Variants in IFT140 observed in about 807,000 individuals in gnomAD.
The protein encoded by IFT140 is intraflagellar transport protein 140 homolog.
A neutral mutation model predicts 164.6 loss-of-function variants in IFT140; 133 were observed. The ratio of observed to expected loss-of-function variants is 0.81; its 90% confidence interval spans 0.70 to 0.93. The LOEUF (loss-of-function observed/expected upper bound fraction) is 0.93, where lower values mean the gene tolerates loss of function less well. IFT140 is among the 40% of genes least tolerant of loss of function. The pLI, the probability that IFT140 is intolerant of heterozygous loss-of-function variation, is 0.00. For missense variants in IFT140, 2,045 were observed against 1,972.3 expected, an observed-to-expected ratio of 1.04 and a Z score of -0.70; for synonymous variants, 860 against 817.3, an observed-to-expected ratio of 1.05 and a Z score of -0.89.
intron 15 of IFT140, 105 bp from the exon 16 acceptor site, chr16:1,566,396 A>G: frequency 2.0e-6 from 2 of 1,008,830 alleles, no homozygotes; most frequent in Non-Finnish European, 1.5e-6. Flanking sequence ...AAACACACCC[A>G]GTGTCACCAA....
At chr16:1,555,176 G>T (rs2032991455) in intron 19 of IFT140, 1 of 953,742 alleles carries the variant, frequency 1.0e-6, no homozygotes. Context: ...CGAGACACGT[G>T]TGCGTTTACT....
chr16:1,585,514 C>T (rs1180300114), intron 10 of IFT140, among the ~76,000 whole-genome samples: 1 of 152,028 alleles, frequency 6.6e-6, no homozygotes, highest in Admixed American at 6.5e-5. Context: ...GTGAATATAC[C>T]AAAAACCACT....
chr16:1,552,648 CT>C (rs11409894), intron 19 of IFT140, among the ~76,000 whole-genome samples: 355 of 127,526 alleles, frequency 2.8e-3, no homozygotes, highest in African/African-American at 4.0e-3. Context: ...AAAGAGAATG[CT>C]TTTTTTTTTT....
At chr16:1,534,693 G>A (rs1225067267) in intron 19 of IFT140, 37 of 1,286,428 alleles carry the variant, frequency 2.9e-5, no homozygotes, top group Non-Finnish European at 3.9e-5. Context: ...TGGGCAGGCA[G>A]GAGGGGGCAC....
At chr16:1,601,984 GTCCAGC>G (rs1198873393) in intron 4 of IFT140, among the ~76,000 whole-genome samples, 1 of 152,224 alleles carries the variant, frequency 6.6e-6, no homozygotes, top group Admixed American at 6.5e-5. Context: ...ACCCACAGGG[GTCCAGC>G]TGAATCCTCC....
Position 1,533,423 on chromosome 16 carries a change from C to G in IFT140, c.2400-6627G>C, listed in dbSNP as rs1596317766. The stretch of plus-strand genomic sequence containing the variant: ...ACCAGCCTCCAGGCCCCGGGGGCCA[C>G]CAGGCTTAAAAGCAACAGGCGAGAC... On this transcript the variant is annotated intron_variant, in intron 19 of 30. Transcript: ENST00000426508. This position sits in a 1 kb window ranked among gnomAD's most constrained non-coding sequence, Gnocchi z 4.7. The G allele has an allele frequency of 6.6e-6, 1 of 152,480 alleles. No individual in the cohort carries two copies. The highest frequency in any genetic ancestry group is 1.9e-4 in the East Asian group (1 of 5,170). 9.4% of individuals were successfully genotyped at this position (152,480 alleles called of 1,614,324 possible).
At chr16:1,566,035 C>G in intron 16 of IFT140, 126 bp downstream of exon 16, 1 of 825,854 alleles carries the variant, frequency 1.2e-6, no homozygotes, top group Non-Finnish European at 1.9e-6. Context: ...TTTCCTCTTT[C>G]TTTTTCCTAC....
chr16:1,536,577 G>A (rs569409084), intron 19 of IFT140, among the ~76,000 whole-genome samples: 5 of 152,336 alleles, frequency 3.3e-5, no homozygotes, highest in Admixed American at 6.5e-5. Context: ...CTCAGCTCAG[G>A]AAAAGGAACA....
intron 13 of IFT140, among the ~76,000 whole-genome samples, chr16:1,580,009 T>G (rs1397230741): frequency 1.4e-5 from 2 of 147,598 alleles, no homozygotes; most frequent in Non-Finnish European, 3.0e-5. Context: ...GCCCTGGCCC[T>G]CCCACAAGAC....
chr16:1,551,366 G>A lies in IFT140; in HGVS notation c.2399+6569C>T, dbSNP rs956395624. On this transcript the variant is annotated intron_variant, in intron 19 of 30. Coordinates refer to ENST00000426508, the MANE Select transcript of IFT140 (RefSeq NM_014714.4). The surrounding 1 kb of genome is among the most constrained non-coding windows in gnomAD (Gnocchi z 4.0). ...GCCCCTCCTCCCCAGGGCCAGTCAAGCCGGGGACAGTGGCACGAGGAGAAG... is the reference window on the plus strand; with the variant it reads ...GCCCCTCCTCCCCAGGGCCAGTCAAACCGGGGACAGTGGCACGAGGAGAAG... Among the ~76,000 whole-genome samples, 7 of 152,126 alleles carry A rather than the reference G, an allele frequency of 4.6e-5. No homozygotes were observed. Among genetic ancestry groups the A allele is most frequent in the Admixed American group, 1.3e-4 (2 of 15,284 alleles).
At chr16:1,511,620 T>C (rs1419722848) in intron 30 of IFT140, among the ~76,000 whole-genome samples, 4 of 151,652 alleles carry the variant, frequency 2.6e-5, no homozygotes, top group Non-Finnish European at 4.4e-5. Flanking sequence ...GCTATGAAGA[T>C]ATAATAAGCT....
chr16:1,590,252 C>T (rs1353342717), intron 6 of IFT140, among the ~76,000 whole-genome samples: 7 of 150,696 alleles, frequency 4.6e-5, no homozygotes, highest in Non-Finnish European at 8.9e-5. Context: ...CCTGACCTTA[C>T]AGGCTGCAAC....
At chr16:1,562,240 G>A (rs1003037499) in intron 17 of IFT140, 124 bp from the exon 18 acceptor site, 1 of 720,922 alleles carries the variant, frequency 1.4e-6, no homozygotes, top group Non-Finnish European at 2.1e-6. Flanking sequence ...ACTGCGTCAT[G>A]GTGGGGTCGG....
chr16:1,595,658 G>C (rs995044144), intron 4 of IFT140, among the ~76,000 whole-genome samples: 2 of 150,474 alleles, frequency 1.3e-5, no homozygotes, highest in Admixed American at 6.6e-5. Flanking sequence ...GGTTTTGCAA[G>C]ATCTATTAAA....
chr16:1,535,493 G>A (rs968064019), intron 19 of IFT140, among the ~76,000 whole-genome samples: 2 of 152,174 alleles, frequency 1.3e-5, no homozygotes, highest in African/African-American at 4.8e-5. Context: ...GGGGTTGGAC[G>A]CTCCTTCTGC....
intron 19 of IFT140, among the ~76,000 whole-genome samples, chr16:1,554,529 G>T (rs2032933556): frequency 6.6e-6 from 1 of 152,216 alleles, no homozygotes; most frequent in Non-Finnish European, 1.5e-5. Flanking sequence ...ACAGCCGCCA[G>T]AGCCTGAAGT....
At position 1,564,077 on chromosome 16, in the gene IFT140, A is replaced by G; in HGVS notation, c.1987T>C (p.Cys663Arg). 6.2e-7 allele frequency: 1 copy of G among 1,605,160 alleles called. No individual in the cohort carries two copies. The highest frequency in any genetic ancestry group is 8.5e-7 in the Non-Finnish European group (1 of 1,173,068). ...CGCGGCGTCTCCTGCACGGCTTCGCATACAAACAGCCGGGGCTCACTCTGG... is the reference window on the plus strand; with the variant it reads ...CGCGGCGTCTCCTGCACGGCTTCGCGTACAAACAGCCGGGGCTCACTCTGG... ...WDQSEPRLFV[C>R]EAVQETPRSQ... The change falls in exon 17 of 31, where the codon TGC becomes CGC. Residue 663 changes from cysteine to arginine, a missense_variant. Physicochemically the swap from Cys to Arg is radical, Grantham distance 180 (BLOSUM62 -3). Coordinates refer to ENST00000426508, the MANE Select transcript of IFT140 (RefSeq NM_014714.4). The surrounding 1 kb of genome is among the most constrained non-coding windows in gnomAD (Gnocchi z 5.5).
chr16:1,582,095 G>T (rs943472490), intron 12 of IFT140, among the ~76,000 whole-genome samples: 2 of 152,060 alleles, frequency 1.3e-5, no homozygotes, highest in African/African-American at 4.8e-5. Context: ...CTGTGGAATG[G>T]GGGGAGCTGA....
intron 14 of IFT140, among the ~76,000 whole-genome samples, chr16:1,570,643 C>T (rs1226218070): frequency 1.3e-5 from 2 of 152,196 alleles, no homozygotes; most frequent in Non-Finnish European, 2.9e-5. Context: ...ACTCCCAGAG[C>T]CACTTAGGTC....
Sources: allele counts gnomAD v4.1 joint callset (sites outside exome capture counted in the v4.1 genomes callset), GRCh38; gene constraint gnomAD v4.1.1; non-coding constraint Gnocchi (gnomAD v3.1); transcripts MANE v1.5; gene names NCBI Gene and HGNC (gene_info 2026-07-23, HGNC 2026-07-21).